Variants in INPP4B observed in about 807,000 individuals in gnomAD.
INPP4B encodes inositol polyphosphate 4-phosphatase type II.
A neutral mutation model predicts 122.5 loss-of-function variants in INPP4B; 55 were observed. That is an observed-to-expected ratio of 0.45 (90% CI 0.36 to 0.56). INPP4B has a LOEUF of 0.56. Among genes scored for constraint, INPP4B ranks in the 20% least tolerant of loss-of-function variants. The probability of loss-of-function intolerance (pLI) is 0.00; values close to 1 mark genes in which losing one functional copy is unlikely to be tolerated. For missense variants in INPP4B, 1,000 were observed against 1,097.7 expected (o/e 0.91, Z 1.26); for synonymous variants, 403 against 388.7 (o/e 1.04, Z -0.43).
chr4:142,836,537 T>C (rs1034625937), intron 1 of INPP4B, among the ~76,000 whole-genome samples: 1 of 151,998 alleles, frequency 6.6e-6, no homozygotes, highest in African/African-American at 2.4e-5. Context: ...GGAAAAACGC[T>C]TAACTATTTT....
chr4:142,646,024 C>G (rs960553937), intron 2 of INPP4B, among the ~76,000 whole-genome samples: 7 of 152,142 alleles, frequency 4.6e-5, no homozygotes, highest in Admixed American at 1.3e-4. Context: ...GAAACCTGAT[C>G]AGTAGTATCC....
At chr4:142,409,561 C>A (rs1188361506) in intron 5 of INPP4B, among the ~76,000 whole-genome samples, 3 of 151,924 alleles carry the variant, frequency 2.0e-5, no homozygotes, top group African/African-American at 4.8e-5. Context: ...GACTCTATCT[C>A]AAAAAATAAT....
At chr4:142,260,144 C>G (rs1385210764) in intron 11 of INPP4B, among the ~76,000 whole-genome samples, 1 of 152,090 alleles carries the variant, frequency 6.6e-6, no homozygotes, top group African/African-American at 2.4e-5. Flanking sequence ...GCCACCATGC[C>G]CAGCTAATTT....
chr4:142,113,580 C>G (rs67277330), intron 21 of INPP4B, among the ~76,000 whole-genome samples: 19,039 of 151,890 alleles, frequency 0.13, 1,364 homozygotes, highest in East Asian at 0.24. Context: ...TTTCTTTCTA[C>G]CTATGAAATA....
intron 25 of INPP4B, among the ~76,000 whole-genome samples, chr4:142,055,490 A>C (rs545626756): frequency 6.6e-6 from 1 of 152,222 alleles, no homozygotes. Flanking sequence ...TCTTATATGC[A>C]CTTTAAAATT....
intron 7 of INPP4B, among the ~76,000 whole-genome samples, chr4:142,354,173 T>A (rs747090740): frequency 6.6e-6 from 1 of 152,000 alleles, no homozygotes; most frequent in African/African-American, 2.4e-5. Context: ...AAAGTCACAA[T>A]CTGCCTTTTA....
rs56908599 is a variant in INPP4B, at chr4:142,268,322, C to CAAAAAAAAAAAAAAAAAA, written c.615+2323_615+2340dup. Among the ~76,000 whole-genome samples, 15 of 6,902 alleles carry CAAAAAAAAAAAAAAAAAA rather than the reference C, an allele frequency of 2.2e-3. 4 individuals carry two copies. The highest frequency in any genetic ancestry group is 2.8e-3 in the African/African-American group (10 of 3,556). 4.5% of individuals were successfully genotyped at this position (6,902 alleles called of 152,430 possible). ...TGGGTGACAGAGCAAGACTCCGTCT[C>CAAAAAAAAAAAAAAAAAA]AAAAAAAAAAAAAAAAAAAAAAAAT... is the stretch of plus-strand genomic sequence containing the variant. On this transcript the variant is annotated intron_variant, in intron 10 of 25. Coordinates refer to ENST00000262992, the MANE Select transcript of INPP4B (RefSeq NM_001101669.3).
chr4:142,115,706 C>G (rs1035391112), intron 21 of INPP4B, among the ~76,000 whole-genome samples: 1 of 152,164 alleles, frequency 6.6e-6, no homozygotes, highest in Non-Finnish European at 1.5e-5. Context: ...CCTGCAAAAA[C>G]AGTGCAAATT....
chr4:142,498,774 C>T (rs905967596), intron 2 of INPP4B, among the ~76,000 whole-genome samples: 5 of 151,842 alleles, frequency 3.3e-5, no homozygotes, highest in East Asian at 3.9e-4. Context: ...GGGTGACAGA[C>T]GGAGATCCTG....
At chr4:142,353,532 C>T (rs1025637036) in intron 7 of INPP4B, among the ~76,000 whole-genome samples, 5 of 152,046 alleles carry the variant, frequency 3.3e-5, no homozygotes, top group Admixed American at 3.3e-4. Context: ...AGGTGGCAAT[C>T]AGACTAAATC....
chr4:142,151,256 T>G (rs1813740890), intron 17 of INPP4B, among the ~76,000 whole-genome samples: 1 of 152,078 alleles, frequency 6.6e-6, no homozygotes, highest in Non-Finnish European at 1.5e-5. Flanking sequence ...GGCACGTGTA[T>G]AGCCCACGGT....
intron 2 of INPP4B, among the ~76,000 whole-genome samples, chr4:142,591,557 C>T (rs1165149105): frequency 6.6e-6 from 1 of 152,042 alleles, no homozygotes; most frequent in Non-Finnish European, 1.5e-5. Flanking sequence ...GGAGGTGGAG[C>T]AGAACTCCCC....
intron 12 of INPP4B, among the ~76,000 whole-genome samples, 194 bp from the exon 13 acceptor site, chr4:142,209,220 A>G (rs1443659769): frequency 6.6e-6 from 1 of 152,202 alleles, no homozygotes; most frequent in Non-Finnish European, 1.5e-5. Context: ...TAACCACACA[A>G]ATAAAAACAT....
At chr4:142,070,543 A>G (rs951134932) in intron 25 of INPP4B, among the ~76,000 whole-genome samples, 15 of 152,162 alleles carry the variant, frequency 9.9e-5, no homozygotes, top group African/African-American at 3.6e-4. Flanking sequence ...GAGGAAGTCA[A>G]ATTTCCCCTG....
chr4:142,313,295 A>T (rs1319685222), intron 8 of INPP4B, among the ~76,000 whole-genome samples: 1 of 152,092 alleles, frequency 6.6e-6, no homozygotes, highest in Non-Finnish European at 1.5e-5. Context: ...CAGGCAGTGA[A>T]CACAGGAGAA....
intron 10 of INPP4B, 104 bp from the exon 11 acceptor site, chr4:142,260,668 A>C (rs1739505688): frequency 1.4e-6 from 1 of 731,240 alleles, no homozygotes; most frequent in Admixed American, 3.1e-5. Flanking sequence ...TGGTTTCAAA[A>C]AGTTTTGAAT....
At chr4:142,623,140 T>C (rs1484493620) in intron 2 of INPP4B, among the ~76,000 whole-genome samples, 1 of 151,974 alleles carries the variant, frequency 6.6e-6, no homozygotes, top group Non-Finnish European at 1.5e-5. Flanking sequence ...TTTCCTTATC[T>C]GAGGCTTATC....
chr4:142,101,426 A>G (rs1784423259), intron 23 of INPP4B, among the ~76,000 whole-genome samples: 2 of 152,124 alleles, frequency 1.3e-5, no homozygotes, highest in Admixed American at 1.3e-4. Flanking sequence ...TTCAATTCTC[A>G]TCGTTAGATA....
chr4:142,348,910 G>A (rs959366640), intron 7 of INPP4B, among the ~76,000 whole-genome samples: 1 of 152,034 alleles, frequency 6.6e-6, no homozygotes, highest in African/African-American at 2.4e-5. Context: ...GGGGCTGGAG[G>A]ATGATGTTAT....
Sources: allele counts gnomAD v4.1 joint callset (sites outside exome capture counted in the v4.1 genomes callset), GRCh38; gene constraint gnomAD v4.1.1; transcripts MANE v1.5; gene names NCBI Gene and HGNC (gene_info 2026-07-23, HGNC 2026-07-21).